The following SMARCA5 variants were observed in gnomAD, a reference collection of about 807,000 sequenced individuals.
The protein encoded by SMARCA5 is SNF2 related chromatin remodeling ATPase 5.
In SMARCA5, 18 loss-of-function variants were observed where a neutral mutation model predicts 140.4. The observed-to-expected ratio is 0.13, with a 90% CI of 0.09 to 0.19. SMARCA5 has a LOEUF of 0.19. Among genes scored for constraint, SMARCA5 ranks in the 10% least tolerant of loss-of-function variants. The pLI is 1.00. For missense variants in SMARCA5, 606 were observed against 1,276.8 expected (o/e 0.47, Z 8.01); for synonymous variants, 449 against 419.6 (o/e 1.07, Z -0.86).
At chr4:143,553,033 T>C (rs1737676592) in intron 23 of SMARCA5, 86 bp from the exon 24 acceptor site, 1 of 991,252 alleles carries the variant, frequency 1.0e-6, no homozygotes. Flanking sequence ...TAGTAGTTGT[T>C]ATTACTAAAG....
chr4:143,546,253 G>T (rs1737521936), intron 19 of SMARCA5, among the ~76,000 whole-genome samples: 1 of 152,150 alleles, frequency 6.6e-6, no homozygotes, highest in Non-Finnish European at 1.5e-5. Flanking sequence ...TATTACTCTG[G>T]CTCGGTAGAG....
In SMARCA5 at chr4:143,556,075, T is replaced by G. The variant is rs1206898985; in HGVS notation, c.*2891T>G. 15 of 152,174 alleles carry G rather than the reference T, an allele frequency of 9.9e-5. No individual in the cohort carries two copies. 9.4% of individuals were successfully genotyped at this position (152,174 alleles called of 1,614,324 possible). A position where few individuals can be genotyped will look rare whatever the true frequency, so the allele number is the denominator to read the frequency against. ...TCAAAAAATCTAAAATCAGAAATGC[T>G]CCATAATTTGAATGCTCATTAGGGC... On this transcript the variant is annotated 3_prime_UTR_variant, in exon 24 of 24. Coordinates refer to ENST00000283131, the MANE Select transcript of SMARCA5 (RefSeq NM_003601.4).
Position 143,546,784 on chromosome 4 carries a change from C to T in SMARCA5, c.2529C>T (p.Thr843=). Residue 843 remains threonine, a synonymous_variant, in exon 20 of 24, where the codon ACC becomes ACT. Transcript: ENST00000283131. Reference sequence around the variant, plus strand: ...TTTCTGTTCCTGTGAAGGGATTTACCAATTGGAATAAGAGAGATTTTAACC... The same window carrying T: ...TTTCTGTTCCTGTGAAGGGATTTACTAATTGGAATAAGAGAGATTTTAACC... ...EKEKLLTQGF[T]NWNKRDFNQF... is the part of the protein sequence containing the mutation. 2 of 1,604,624 alleles carry T rather than the reference C, an allele frequency of 1.2e-6. No homozygotes were observed. Among genetic ancestry groups the T allele is most frequent in the South Asian group, 1.1e-5 (1 of 89,534 alleles).
intron 8 of SMARCA5, among the ~76,000 whole-genome samples, chr4:143,528,957 C>T (rs1257770093): frequency 2.0e-5 from 3 of 151,748 alleles, no homozygotes; most frequent in Non-Finnish European, 2.9e-5. Context: ...TTTTTTGAGA[C>T]GTAGTCTCAC....
chr4:143,555,293 T>A lies in SMARCA5; in HGVS notation c.*2109T>A. 1 of 789,598 alleles carries A rather than the reference T, an allele frequency of 1.3e-6. No individual in the cohort carries two copies. The allele number at this position is 789,598 out of a possible 1,614,324, so 48.9% of individuals were successfully genotyped here. On this transcript the variant is annotated 3_prime_UTR_variant, in exon 24 of 24. Transcript: ENST00000283131. ...ATTGTTGTCATTGCCAAAATCATTG[T>A]AGCTTTTACCACCTCCAAAATTGCT...
At chr4:143,522,986 C>T (rs1444132663) in intron 3 of SMARCA5, among the ~76,000 whole-genome samples, 1 of 152,068 alleles carries the variant, frequency 6.6e-6, no homozygotes, top group Non-Finnish European at 1.5e-5. Context: ...TAATGAGGGT[C>T]ATAGTATTGT....
intron 1 of SMARCA5, among the ~76,000 whole-genome samples, chr4:143,516,183 A>T (rs1444437580): frequency 2.0e-5 from 3 of 150,718 alleles, no homozygotes; most frequent in Middle Eastern, 3.2e-3. Context: ...TTTTCTAAAC[A>T]GAGTAAACCC....
At chr4:143,542,286 T>C (rs1239918820) in intron 14 of SMARCA5, among the ~76,000 whole-genome samples, 3 of 152,216 alleles carry the variant, frequency 2.0e-5, no homozygotes, top group Non-Finnish European at 4.4e-5. Flanking sequence ...ATAGCTTTCT[T>C]GTGCCGTTTG....
At chr4:143,525,366 C>A in intron 4 of SMARCA5, 85 bp from the exon 5 acceptor site, 1 of 820,302 alleles carries the variant, frequency 1.2e-6, no homozygotes, top group Non-Finnish European at 2.1e-6. Flanking sequence ...AAAATAAAGT[C>A]AGTAGATATG....
chr4:143,525,203 A>G (rs897706757), intron 4 of SMARCA5, among the ~76,000 whole-genome samples: 2 of 152,144 alleles, frequency 1.3e-5, no homozygotes, highest in African/African-American at 4.8e-5. Flanking sequence ...GTAACGTAAG[A>G]ACTGAGTTGT....
Position 143,526,604 on chromosome 4 carries a change from TA to T in SMARCA5, c.801+150del, listed in dbSNP as rs992505283. The T allele has an allele frequency of 1.5e-5, 9 of 617,466 alleles. No individual in the cohort carries two copies. The Admixed American group carries it at 2.8e-4, about 19-fold the overall frequency. 38.2% of individuals were successfully genotyped at this position (617,466 alleles called of 1,614,324 possible). ...ACAAATGTAGCATTGTCTTGGTGGATAAAAAACAGCACTTTGGGAGGCCGAG... is the reference window on the plus strand; with the variant it reads ...ACAAATGTAGCATTGTCTTGGTGGATAAAAACAGCACTTTGGGAGGCCGAG... On this transcript the variant is annotated intron_variant, in intron 6 of 23. Coordinates refer to ENST00000283131, the MANE Select transcript of SMARCA5 (RefSeq NM_003601.4).
chr4:143,536,169 C>T (rs1264424964), intron 10 of SMARCA5, among the ~76,000 whole-genome samples: 3 of 152,218 alleles, frequency 2.0e-5, no homozygotes, highest in East Asian at 3.9e-4. Context: ...AATATTATGT[C>T]TTACTGCTGT....
At chr4:143,545,858 A>T (rs1469218305) in intron 18 of SMARCA5, 67 bp from the exon 19 acceptor site, 1 of 1,363,076 alleles carries the variant, frequency 7.3e-7, no homozygotes, top group Non-Finnish European at 1.0e-6. Context: ...GTGAAATGTC[A>T]GTTAGTTGGT....
At position 143,536,414 on chromosome 4, in the gene SMARCA5, A is replaced by G. The variant is rs752024627; in HGVS notation, c.1269-38A>G. On this transcript the variant is annotated intron_variant, in intron 10 of 23. Transcript: ENST00000283131. The stretch of plus-strand genomic sequence containing the variant: ...TAAAGTGGCAGGGATTGATCAAGGA[A>G]CATTTGAGCTCTAAAAATGTTTTTC... 4.3e-6 allele frequency: 6 copies of G among 1,400,548 alleles called. No individual in the cohort carries two copies. The South Asian group carries it at 5.8e-5, about 14-fold the overall frequency. 86.8% of individuals were successfully genotyped at this position (1,400,548 alleles called of 1,614,324 possible). A position where few individuals can be genotyped will look rare whatever the true frequency, so the allele number is the denominator to read the frequency against.
chr4:143,527,214 CATT>C (rs1378830911), intron 6 of SMARCA5, among the ~76,000 whole-genome samples: 2 of 152,136 alleles, frequency 1.3e-5, no homozygotes, highest in Non-Finnish European at 2.9e-5. Context: ...GAAATAATGA[CATT>C]AGTATATAAA....
chr4:143,535,973 C>A (rs1231060539), intron 10 of SMARCA5, among the ~76,000 whole-genome samples: 2 of 152,084 alleles, frequency 1.3e-5, no homozygotes, highest in Non-Finnish European at 2.9e-5. Flanking sequence ...TCATATTATT[C>A]TCATCATCAT....
At chr4:143,533,981 T>C (rs1435585045) in intron 9 of SMARCA5, among the ~76,000 whole-genome samples, 1 of 152,210 alleles carries the variant, frequency 6.6e-6, no homozygotes, top group Non-Finnish European at 1.5e-5. Context: ...GAAACATTTA[T>C]TTTGCGAAAC....
intron 9 of SMARCA5, among the ~76,000 whole-genome samples, chr4:143,531,465 C>T (rs1192981654): frequency 6.6e-6 from 1 of 152,124 alleles, no homozygotes; most frequent in Non-Finnish European, 1.5e-5. Flanking sequence ...GAATTCTCAG[C>T]CTCTTTTGAC....
intron 2 of SMARCA5, among the ~76,000 whole-genome samples, chr4:143,519,268 C>T (rs923262634): frequency 2.6e-5 from 4 of 152,116 alleles, no homozygotes; most frequent in Non-Finnish European, 5.9e-5. Context: ...AGTTCCTCTT[C>T]AGGTATACTC....
Sources: allele counts gnomAD v4.1 joint callset (sites outside exome capture counted in the v4.1 genomes callset), GRCh38; gene constraint gnomAD v4.1.1; transcripts MANE v1.5; gene names NCBI Gene and HGNC (gene_info 2026-07-23, HGNC 2026-07-21).